The following DRC1 variants were observed in gnomAD, a reference collection of about 807,000 sequenced individuals.
DRC1 encodes the protein dynein regulatory complex subunit 1.
A neutral mutation model predicts 98.7 loss-of-function variants in DRC1; 74 were observed. That is an observed-to-expected ratio of 0.75 (90% CI 0.62 to 0.91). The LOEUF (loss-of-function observed/expected upper bound fraction) is 0.91, where lower values mean the gene tolerates loss of function less well. Among genes scored for constraint, DRC1 ranks in the 40% least tolerant of loss-of-function variants. DRC1 has a pLI of 0.00. For missense variants in DRC1, 875 were observed against 886.0 expected (o/e 0.99, Z 0.16); for synonymous variants, 336 against 334.1 (o/e 1.01, Z -0.06).
intron 15 of DRC1, 45 bp from the exon 16 acceptor site, chr2:26,455,085 AG>A: frequency 6.2e-7 from 1 of 1,602,918 alleles, no homozygotes. Flanking sequence ...TACTTGGCAG[AG>A]GATGGAGGAT....
At chr2:26,415,077 G>A (rs1353487326) in intron 2 of DRC1, among the ~76,000 whole-genome samples, 2 of 152,184 alleles carry the variant, frequency 1.3e-5, no homozygotes, top group African/African-American at 4.8e-5. Flanking sequence ...GTGCCCCAGT[G>A]AAACTGTATG....
chr2:26,418,646 A>ATATAAATTATATATAATTTGTATAT (rs1558438192), intron 2 of DRC1, among the ~76,000 whole-genome samples: 1 of 93,646 alleles, frequency 1.1e-5, no homozygotes, highest in African/African-American at 4.8e-5. Flanking sequence ...AATTTATATA[A>ATATAAATTATATATAATTTGTATAT]TATATAAATT....
rs1330959018 is a variant in DRC1, at chr2:26,440,528, A to G, written c.1028+11A>G. ...GAGGAAGATCAATCGGTAAGCTAGC[A>G]TGCAGAGCGTCTTTCTTCTGGGCCT... On this transcript the variant is annotated intron_variant, in intron 8 of 16. Transcript: ENST00000288710. 2 of 1,607,622 alleles carry G rather than the reference A, an allele frequency of 1.2e-6. No individual in the cohort carries two copies. Among genetic ancestry groups the G allele is most frequent in the Admixed American group, 1.7e-5 (1 of 59,608 alleles).
chr2:26,421,433 A>G, intron 3 of DRC1, 33 bp downstream of exon 3: 2 of 1,589,792 alleles, frequency 1.3e-6, no homozygotes, highest in Non-Finnish European at 1.7e-6. Flanking sequence ...GCTGGTGGAC[A>G]TGAAGGTAAT....
Position 26,440,426 on chromosome 2 carries a change from C to A in DRC1, c.937C>A (p.Gln313Lys). Residue 313 changes from glutamine (Q) to lysine (K), a missense_variant, in exon 8 of 17, where the codon CAA becomes AAA. Coordinates refer to ENST00000288710, the MANE Select transcript of DRC1 (RefSeq NM_145038.5). Reference sequence around the variant, plus strand: ...GAGGAAAGCAATTTATCAGCTAAACCAAGAGAAATTAGAGTACAACTTGCA... The same window carrying A: ...GAGGAAAGCAATTTATCAGCTAAACAAAGAGAAATTAGAGTACAACTTGCA... ...QQRKAIYQLN[Q>K]EKLEYNLQVL... 2 of 1,608,964 alleles carry A rather than the reference C, an allele frequency of 1.2e-6. No individual in the cohort carries two copies. The highest frequency in any genetic ancestry group is 1.7e-6 in the Non-Finnish European group (2 of 1,177,504).
chr2:26,453,403 G>C lies in DRC1; in HGVS notation c.1773G>C (p.Gln591His). The part of the protein sequence containing the change: ...STRSELELAE[Q>H]TEMEGEKEES... ...GGTCAGAATTGGAGCTGGCAGAGCA[G>C]ACGGAGATGGAGGGAGAAAAGGAAG... The change falls in exon 14 of 17, where the codon CAG becomes CAC. Residue 591 changes from glutamine to histidine, a missense_variant. Coordinates refer to ENST00000288710, the MANE Select transcript of DRC1 (RefSeq NM_145038.5). 1 of 1,614,224 alleles carries C rather than the reference G, an allele frequency of 6.2e-7. No individual in the cohort carries two copies. Among genetic ancestry groups the C allele is most frequent in the Non-Finnish European group, 8.5e-7 (1 of 1,180,052 alleles).
At chr2:26,423,091 T>G (rs1280897993) in intron 3 of DRC1, among the ~76,000 whole-genome samples, 1 of 152,088 alleles carries the variant, frequency 6.6e-6, no homozygotes, top group Non-Finnish European at 1.5e-5. Flanking sequence ...AACTTCCCAC[T>G]GCCTGTATGG....
At chr2:26,438,560 C>T (rs756563597) in intron 7 of DRC1, among the ~76,000 whole-genome samples, 1 of 152,140 alleles carries the variant, frequency 6.6e-6, no homozygotes, top group Non-Finnish European at 1.5e-5. Flanking sequence ...AAATACTCAT[C>T]TCATAATGGA....
chr2:26,409,756 A>AT (rs997290611), intron 1 of DRC1, among the ~76,000 whole-genome samples: 3 of 152,114 alleles, frequency 2.0e-5, no homozygotes, highest in Non-Finnish European at 2.9e-5. Context: ...CATTAGCTTG[A>AT]TTTTTTCCAC....
Position 26,455,238 on chromosome 2 carries a change from G to A in DRC1, c.2166+5G>A. The A allele has an allele frequency of 6.2e-7, 1 of 1,610,916 alleles. No homozygotes were observed. Among genetic ancestry groups the A allele is most frequent in the Non-Finnish European group, 8.5e-7 (1 of 1,178,346 alleles). ...CAGCAGTATCTGAACTCCAAGGTGG[G>A]CGGCGGGGCCTTCCAAGGAGGGGCA... is the stretch of plus-strand genomic sequence containing the variant. On this transcript the variant is annotated splice_donor_5th_base_variant and intron_variant, in intron 16 of 16. Coordinates refer to ENST00000288710, the MANE Select transcript of DRC1 (RefSeq NM_145038.5).
chr2:26,430,972 T>TC, intron 6 of DRC1, 100 bp downstream of exon 6: 1 of 1,139,790 alleles, frequency 8.8e-7, no homozygotes. Context: ...TTTTTTTTTT[T>TC]TTTTTTGAGA....
chr2:26,450,548 C>A (rs747838767), intron 12 of DRC1, 44 bp from the exon 13 acceptor site: 5 of 1,579,732 alleles, frequency 3.2e-6, no homozygotes, highest in Non-Finnish European at 4.3e-6. Context: ...AGCCCGTGGC[C>A]TCTTGATGGG....
At chr2:26,452,497 T>A (rs1421860354) in intron 13 of DRC1, among the ~76,000 whole-genome samples, 1 of 152,218 alleles carries the variant, frequency 6.6e-6, no homozygotes, top group Admixed American at 6.5e-5. Flanking sequence ...TGACCTCAAA[T>A]GATCTGCCCA....
At chr2:26,427,138 A>G (rs527326203) in intron 4 of DRC1, among the ~76,000 whole-genome samples, 58 of 152,204 alleles carry the variant, frequency 3.8e-4, no homozygotes, top group African/African-American at 1.4e-3. Context: ...TTTTTTTGAG[A>G]CAGAGTCTCG....
intron 1 of DRC1, among the ~76,000 whole-genome samples, chr2:26,407,300 A>G (rs1678459363): frequency 6.6e-6 from 1 of 152,148 alleles, no homozygotes; most frequent in Non-Finnish European, 1.5e-5. Flanking sequence ...GAAGCACAAG[A>G]TAGATGGTAA....
intron 1 of DRC1, among the ~76,000 whole-genome samples, chr2:26,410,168 A>T (rs1448003012): frequency 1.3e-5 from 2 of 151,040 alleles, no homozygotes; most frequent in Non-Finnish European, 3.0e-5. Flanking sequence ...AAAACATTAG[A>T]AGGGTTGGAA....
intron 1 of DRC1, among the ~76,000 whole-genome samples, chr2:26,408,695 T>C (rs1274780770): frequency 6.6e-6 from 1 of 152,016 alleles, no homozygotes; most frequent in African/African-American, 2.4e-5. Context: ...TGCTTGAACC[T>C]GGGAGGCGGA....
At position 26,454,589 on chromosome 2, in the gene DRC1, C is replaced by T; in HGVS notation, c.1920-58C>T. On this transcript the variant is annotated intron_variant, in intron 14 of 16. Coordinates refer to ENST00000288710, the MANE Select transcript of DRC1 (RefSeq NM_145038.5). This position sits in a 1 kb window ranked among gnomAD's most constrained non-coding sequence, Gnocchi z 5.2. ...AGCAGTAGGCCTGTGACTGGCACTGCCTGGGGGCCTGGGTAGTACCCAATG... is the reference window on the plus strand; with the variant it reads ...AGCAGTAGGCCTGTGACTGGCACTGTCTGGGGGCCTGGGTAGTACCCAATG... The T allele has an allele frequency of 6.3e-7, 1 of 1,597,356 alleles. No individual in the cohort carries two copies. The highest frequency in any genetic ancestry group is 8.5e-7 in the Non-Finnish European group (1 of 1,170,188).
rs71798030 is a variant in DRC1, at chr2:26,420,997, CAA to C, written c.244-289_244-288del. Reference sequence around the variant, plus strand: ...CAAGCTGGTCTCGAACTCCTGACCTCAAATGCTCCACCCACCTTGGCCTCCCA... The same window carrying C: ...CAAGCTGGTCTCGAACTCCTGACCTCATGCTCCACCCACCTTGGCCTCCCA... On this transcript the variant is annotated intron_variant, in intron 2 of 16. Coordinates refer to ENST00000288710, the MANE Select transcript of DRC1 (RefSeq NM_145038.5). Among the ~76,000 whole-genome samples, 4,551 of 152,078 alleles carry C rather than the reference CAA, an allele frequency of 0.03. 201 individuals are homozygous for C. The highest frequency in any genetic ancestry group is 0.096 in the African/African-American group (3,993 of 41,486).
Sources: gnomAD v4.1 joint callset for allele counts (sites outside exome capture counted in the v4.1 genomes callset) on GRCh38, gnomAD v4.1.1 for gene constraint, Gnocchi (gnomAD v3.1) non-coding constraint, MANE v1.5 for transcripts, NCBI Gene and HGNC (gene_info 2026-07-23, HGNC 2026-07-21) for gene names.